Variants in ERC2 observed in about 807,000 individuals in gnomAD.
ERC2 encodes ERC protein 2.
A neutral mutation model predicts 114.8 loss-of-function variants in ERC2; 42 were observed. The ratio of observed to expected loss-of-function variants is 0.37; its 90% confidence interval spans 0.29 to 0.47. The LOEUF is 0.47. ERC2 is among the 20% of genes least tolerant of loss of function. The pLI is 0.99. For synonymous variants in ERC2, 454 were observed against 425.5 expected (o/e 1.07, Z -0.82); for missense variants, 939 against 1,150.7 (o/e 0.82, Z 2.66).
At chr3:56,191,725 C>T (rs1000542169) in intron 3 of ERC2, among the ~76,000 whole-genome samples, 2 of 152,114 alleles carry the variant, frequency 1.3e-5, no homozygotes, top group African/African-American at 4.8e-5. Context: ...TGATGTTCCC[C>T]TGACTGCAGT....
chr3:56,109,265 C>A (rs1448516451), intron 6 of ERC2, among the ~76,000 whole-genome samples: 1 of 152,216 alleles, frequency 6.6e-6, no homozygotes, highest in Non-Finnish European at 1.5e-5. Flanking sequence ...TAAGTGAGAA[C>A]ATGCGGTATT....
At chr3:55,733,538 TCTCTCACA>T (rs763145453) in intron 15 of ERC2, among the ~76,000 whole-genome samples, 118 of 74,234 alleles carry the variant, frequency 1.6e-3, no homozygotes, top group East Asian at 2.4e-3. Flanking sequence ...TCTTTCTCTC[TCTCTCACA>T]CACACACACA....
At chr3:56,213,288 G>T (rs756465352) in intron 3 of ERC2, among the ~76,000 whole-genome samples, 20 of 152,182 alleles carry the variant, frequency 1.3e-4, no homozygotes, top group Non-Finnish European at 2.4e-4. Flanking sequence ...GTGACAGATG[G>T]CACCTGGAAA....
chr3:56,098,113 A>G (rs1307269005), intron 6 of ERC2, among the ~76,000 whole-genome samples: 1 of 152,224 alleles, frequency 6.6e-6, no homozygotes, highest in Non-Finnish European at 1.5e-5. Flanking sequence ...AGGGGGATGA[A>G]TATGTCTAGA....
At chr3:55,759,481 A>AC (rs1374836825) in intron 14 of ERC2, among the ~76,000 whole-genome samples, 3 of 148,258 alleles carry the variant, frequency 2.0e-5, no homozygotes, top group African/African-American at 7.4e-5. Context: ...AAAAAAAAAA[A>AC]AAAAAAAAAA....
intron 3 of ERC2, among the ~76,000 whole-genome samples, chr3:56,235,857 A>G (rs2050908589): frequency 6.6e-6 from 1 of 152,226 alleles, no homozygotes; most frequent in South Asian, 2.1e-4. Context: ...GAGCACTTCC[A>G]TCATCACAGA....
At position 55,963,321 on chromosome 3, in the gene ERC2, A is replaced by G. The variant is rs529769681; in HGVS notation, c.2268-12761T>C. On this transcript the variant is annotated intron_variant, in intron 12 of 17. Transcript: ENST00000288221. ...CATCCTGGAACCTAAGTGTATCACA[A>G]TGAGTTTGATTCTTCTTCCTGTACA... 1.8e-4 allele frequency among the ~76,000 whole-genome samples: 27 copies of G among 152,240 alleles called. 1 individual carries two copies. Among genetic ancestry groups the G allele is most frequent in the Admixed American group, 1.5e-3 (23 of 15,292 alleles).
intron 4 of ERC2, among the ~76,000 whole-genome samples, chr3:56,162,531 T>C (rs2082104246): frequency 6.6e-6 from 1 of 152,156 alleles, no homozygotes; most frequent in Non-Finnish European, 1.5e-5. Flanking sequence ...GTTGGTAGGT[T>C]TTTTGTTACT....
intron 17 of ERC2, among the ~76,000 whole-genome samples, chr3:55,513,390 T>C (rs2052238366): frequency 6.6e-6 from 1 of 152,144 alleles, no homozygotes; most frequent in Admixed American, 6.5e-5. Context: ...AAAAATTTAT[T>C]TTCTCCCCCT....
chr3:56,133,655 G>A (rs2080336014), intron 6 of ERC2, among the ~76,000 whole-genome samples: 1 of 151,986 alleles, frequency 6.6e-6, no homozygotes, highest in Admixed American at 6.6e-5. Flanking sequence ...TAAAAATAGG[G>A]GCAACAATAC....
At chr3:55,711,371 T>A (rs576281237) in intron 15 of ERC2, among the ~76,000 whole-genome samples, 2 of 152,354 alleles carry the variant, frequency 1.3e-5, no homozygotes, top group East Asian at 3.9e-4. Context: ...CAATATTTAT[T>A]CCCGCTGTTA....
intron 3 of ERC2, among the ~76,000 whole-genome samples, chr3:56,179,473 G>A (rs1236575648): frequency 3.3e-5 from 5 of 152,172 alleles, no homozygotes; most frequent in East Asian, 1.9e-4. Flanking sequence ...GCATGGTTTC[G>A]GGGTGGTGGT....
intron 17 of ERC2, among the ~76,000 whole-genome samples, chr3:55,598,822 G>T (rs1180210880): frequency 6.6e-6 from 1 of 152,190 alleles, no homozygotes; most frequent in Non-Finnish European, 1.5e-5. Context: ...ATTAACAAAG[G>T]GGCAGATTGT....
intron 12 of ERC2, among the ~76,000 whole-genome samples, chr3:55,959,938 C>T (rs891356793): frequency 1.3e-5 from 2 of 152,158 alleles, no homozygotes; most frequent in Non-Finnish European, 2.9e-5. Flanking sequence ...GAAAATATCC[C>T]CTGCTTCAGT....
At chr3:56,003,193 G>C in intron 10 of ERC2, 1 of 1,236,328 alleles carries the variant, frequency 8.1e-7, no homozygotes, top group Non-Finnish European at 1.1e-6. Context: ...GAAAGATCCA[G>C]AAAAACAGCA....
At chr3:56,293,096 G>T (rs1437307653) in intron 3 of ERC2, among the ~76,000 whole-genome samples, 1 of 147,940 alleles carries the variant, frequency 6.8e-6, no homozygotes, top group Non-Finnish European at 1.5e-5. Flanking sequence ...ATGGATTAAT[G>T]AATGAATGAA....
chr3:55,536,988 A>C lies in ERC2; in HGVS notation c.*40-25712T>G, dbSNP rs562062570. On this transcript the variant is annotated intron_variant, in intron 17 of 17. Transcript: ENST00000288221. ...AAAAAATTCAATGCTGACAGAGGGC[A>C]AAAGAAAAGCGTCTAGAATATCAAA... is the stretch of plus-strand genomic sequence containing the variant. 7.2e-5 allele frequency among the ~76,000 whole-genome samples: 11 copies of C among 152,368 alleles called. No individual in the cohort carries two copies. In the South Asian group the frequency reaches 2.3e-3, roughly 32 times the overall value.
At chr3:55,820,164 TG>T (rs2060068356) in intron 14 of ERC2, among the ~76,000 whole-genome samples, 1 of 151,976 alleles carries the variant, frequency 6.6e-6, no homozygotes, top group African/African-American at 2.4e-5. Context: ...GAGCCCCACA[TG>T]GAGGGTGGGG....
chr3:56,160,879 A>G (rs1487699952), intron 4 of ERC2, among the ~76,000 whole-genome samples: 1 of 152,198 alleles, frequency 6.6e-6, no homozygotes, highest in East Asian at 1.9e-4. Context: ...TGTTTATTGT[A>G]GCCTTATAGC....
Sources: gnomAD v4.1 joint callset for allele counts (sites outside exome capture counted in the v4.1 genomes callset) on GRCh38, gnomAD v4.1.1 for gene constraint, MANE v1.5 for transcripts, NCBI Gene and HGNC (gene_info 2026-07-23, HGNC 2026-07-21) for gene names.